The following DLG2 variants were observed in gnomAD, a reference collection of about 807,000 sequenced individuals.
The protein encoded by DLG2 is disks large homolog 2.
A neutral mutation model predicts 132.5 loss-of-function variants in DLG2; 45 were observed. The ratio of observed to expected loss-of-function variants is 0.34; its 90% CI spans 0.27 to 0.44. The LOEUF (loss-of-function observed/expected upper bound fraction) is 0.44. Ranked by LOEUF, DLG2 falls within the 20% of genes least tolerant of loss-of-function variation. The probability of loss-of-function intolerance (pLI) is 1.00; values close to 1 mark genes in which losing one functional copy is unlikely to be tolerated. For synonymous variants in DLG2, 424 were observed against 419.6 expected, an observed-to-expected ratio of 1.01 and a Z score of -0.13; for missense variants, 1,045 against 1,196.9, an observed-to-expected ratio of 0.87 and a Z score of 1.87.
intron 6 of DLG2, among the ~76,000 whole-genome samples, chr11:84,682,052 T>C (rs1345419127): frequency 6.6e-6 from 1 of 152,036 alleles, no homozygotes; most frequent in African/African-American, 2.4e-5. Flanking sequence ...TAACAACCAG[T>C]TCTTATGGGA....
intron 9 of DLG2, among the ~76,000 whole-genome samples, chr11:84,155,638 G>A (rs2095413641): frequency 6.6e-6 from 1 of 151,780 alleles, no homozygotes; most frequent in East Asian, 1.9e-4. Flanking sequence ...AGCCCCCACT[G>A]TTTTTATAAG....
At chr11:84,797,486 T>G (rs1255719648) in intron 6 of DLG2, among the ~76,000 whole-genome samples, 3 of 152,194 alleles carry the variant, frequency 2.0e-5, no homozygotes, top group Non-Finnish European at 4.4e-5. Flanking sequence ...TCTTTCTTCT[T>G]TTTGATCAAT....
intron 9 of DLG2, among the ~76,000 whole-genome samples, chr11:84,102,041 T>C (rs1456476684): frequency 4.6e-5 from 7 of 152,132 alleles, no homozygotes; most frequent in Non-Finnish European, 1.0e-4. Flanking sequence ...ATTTATGCTG[T>C]TTTCTCTACC....
intron 3 of DLG2, among the ~76,000 whole-genome samples, chr11:85,500,889 G>C (rs779903463): frequency 1.1e-4 from 16 of 152,188 alleles, no homozygotes; most frequent in Non-Finnish European, 2.4e-4. Context: ...AGTTACCACT[G>C]ACTTTCTTCA....
intron 6 of DLG2, among the ~76,000 whole-genome samples, chr11:84,980,517 C>CGCCCGGCT (rs2055586167): frequency 6.6e-6 from 1 of 152,162 alleles, no homozygotes; most frequent in South Asian, 2.1e-4. Context: ...GCTTTCATCA[C>CGCCCGGCT]ATCAGATAAG....
At chr11:83,755,914 C>T (rs2093625725) in intron 18 of DLG2, among the ~76,000 whole-genome samples, 1 of 151,402 alleles carries the variant, frequency 6.6e-6, no homozygotes, top group Non-Finnish European at 1.5e-5. Flanking sequence ...TTACAAATCA[C>T]TACAAGCTAT....
chr11:85,427,590 AC>A (rs1359402065), intron 3 of DLG2, among the ~76,000 whole-genome samples: 1 of 152,248 alleles, frequency 6.6e-6, no homozygotes, highest in Non-Finnish European at 1.5e-5. Flanking sequence ...AGATTTTGTC[AC>A]CACCAGCCCT....
At chr11:84,041,129 C>T (rs992957123) in intron 11 of DLG2, among the ~76,000 whole-genome samples, 1 of 151,908 alleles carries the variant, frequency 6.6e-6, no homozygotes, top group Non-Finnish European at 1.5e-5. Context: ...GGGCTGTCAG[C>T]TCCTCATTTT....
chr11:85,502,734 G>T (rs1312739018), intron 3 of DLG2, among the ~76,000 whole-genome samples: 1 of 152,002 alleles, frequency 6.6e-6, no homozygotes, highest in Non-Finnish European at 1.5e-5. Flanking sequence ...GGGTTGATAG[G>T]TGCGGCAAAC....
At chr11:84,557,955 T>C (rs1204098694) in intron 6 of DLG2, among the ~76,000 whole-genome samples, 1 of 152,138 alleles carries the variant, frequency 6.6e-6, no homozygotes, top group Non-Finnish European at 1.5e-5. Context: ...ATATGAGAAC[T>C]ATGATTTTTC....
intron 3 of DLG2, among the ~76,000 whole-genome samples, chr11:85,373,032 T>C (rs946855279): frequency 6.6e-6 from 1 of 152,202 alleles, no homozygotes; most frequent in Non-Finnish European, 1.5e-5. Flanking sequence ...TGTGTCTCCA[T>C]ACCATGGGAC....
intron 6 of DLG2, among the ~76,000 whole-genome samples, chr11:84,844,145 ATATATATATATATATATATATATATATG>A (rs2081164873): frequency 4.1e-5 from 3 of 73,550 alleles, no homozygotes; most frequent in Admixed American, 1.5e-4. Context: ...GTATATATAT[ATATATATATATATATATATATATATATG>A]TATCTCCCCA....
chr11:85,240,782 G>A (rs982782826), intron 4 of DLG2, among the ~76,000 whole-genome samples: 2 of 151,702 alleles, frequency 1.3e-5, no homozygotes, highest in Admixed American at 6.6e-5. Flanking sequence ...GTAGCATGGT[G>A]TCTTATTACT....
At chr11:84,808,561 C>A (rs910148079) in intron 6 of DLG2, among the ~76,000 whole-genome samples, 1 of 151,858 alleles carries the variant, frequency 6.6e-6, no homozygotes, top group Non-Finnish European at 1.5e-5. Context: ...AATTAACAAA[C>A]CTCTAGCAAG....
At chr11:84,839,332 T>G (rs1047272136) in intron 6 of DLG2, among the ~76,000 whole-genome samples, 9 of 151,672 alleles carry the variant, frequency 5.9e-5, no homozygotes, top group African/African-American at 1.7e-4. Context: ...CACTGCTCAA[T>G]GAAATAAAAG....
intron 6 of DLG2, among the ~76,000 whole-genome samples, chr11:84,663,832 G>C (rs760122701): frequency 3.3e-5 from 5 of 152,032 alleles, no homozygotes; most frequent in Admixed American, 3.3e-4. Context: ...ACTGGACGAC[G>C]ATCTTTTACT....
At chr11:84,196,995 C>T (rs529986187) in intron 8 of DLG2, among the ~76,000 whole-genome samples, 113 of 148,348 alleles carry the variant, frequency 7.6e-4, no homozygotes, top group Non-Finnish European at 1.4e-3. Flanking sequence ...TGAGATCACC[C>T]CACTGCACTT....
chr11:84,642,954 C>T (rs1378576540), intron 6 of DLG2, among the ~76,000 whole-genome samples: 1 of 152,124 alleles, frequency 6.6e-6, no homozygotes, highest in Non-Finnish European at 1.5e-5. Flanking sequence ...TAAAATAATG[C>T]TACAGTAATT....
intron 7 of DLG2, among the ~76,000 whole-genome samples, chr11:84,262,396 T>A (rs2097558352): frequency 6.6e-6 from 1 of 152,156 alleles, no homozygotes; most frequent in Non-Finnish European, 1.5e-5. Context: ...CAAAATGACA[T>A]CTACAGCATT....
Sources: gnomAD v4.1 joint callset for allele counts (sites outside exome capture counted in the v4.1 genomes callset) on GRCh38, gnomAD v4.1.1 for gene constraint, MANE v1.5 for transcripts, NCBI Gene and HGNC (gene_info 2026-07-23, HGNC 2026-07-21) for gene names.